Variants in OTOGL observed in about 807,000 individuals in gnomAD.
The protein encoded by OTOGL is otogelin like.
In OTOGL, 285 loss-of-function variants were observed where a neutral mutation model predicts 318.5. That is an observed-to-expected ratio of 0.89 (90% confidence interval 0.81 to 0.99). The LOEUF (loss-of-function observed/expected upper bound fraction) is 0.99, where lower values mean the gene tolerates loss of function less well. Among genes scored for constraint, OTOGL ranks in the 50% least tolerant of loss-of-function variants. The pLI is 0.00. For missense variants in OTOGL, 2,899 were observed against 2,845.6 expected, an observed-to-expected ratio of 1.02 and a Z score of -0.43; for synonymous variants, 987 against 936.5, an observed-to-expected ratio of 1.05 and a Z score of -0.99.
intron 27 of OTOGL, 132 bp downstream of exon 27, chr12:80,297,093 G>T: frequency 1.3e-6 from 1 of 785,490 alleles, no homozygotes; most frequent in Non-Finnish European, 1.8e-6. Flanking sequence ...TTCATTTTGC[G>T]TGGCTTCAGT....
intron 29 of OTOGL, among the ~76,000 whole-genome samples, chr12:80,307,396 A>G (rs78292984): frequency 0.2 from 28,294 of 144,390 alleles, 2,893 homozygotes; most frequent in Middle Eastern, 0.24. Context: ...GGGCAGAGGC[A>G]CCCCTCACCT....
intron 29 of OTOGL, 40 bp downstream of exon 29, chr12:80,305,735 T>C: frequency 5.8e-6 from 8 of 1,378,856 alleles, no homozygotes; most frequent in Non-Finnish European, 7.6e-6. Context: ...AACAAAAATT[T>C]TTAAGAATAT....
At chr12:80,142,592 T>A (rs1872024404) in intron 1 of OTOGL, among the ~76,000 whole-genome samples, 1 of 152,186 alleles carries the variant, frequency 6.6e-6, no homozygotes, top group African/African-American at 2.4e-5. Context: ...CCTTCACCAC[T>A]ATCCCAAGGC....
intron 44 of OTOGL, among the ~76,000 whole-genome samples, chr12:80,342,921 G>A (rs142178773): frequency 3.3e-5 from 5 of 152,106 alleles, no homozygotes; most frequent in African/African-American, 9.6e-5. Flanking sequence ...TCACTTGGTC[G>A]CCTAGGCTGG....
chr12:80,362,359 A>T (rs1366150971), intron 52 of OTOGL, among the ~76,000 whole-genome samples: 1 of 152,204 alleles, frequency 6.6e-6, no homozygotes, highest in Admixed American at 6.5e-5. Flanking sequence ...TTATGCTGGT[A>T]CCATGCTGTT....
At chr12:80,255,630 G>A (rs1881967119) in intron 16 of OTOGL, among the ~76,000 whole-genome samples, 1 of 151,742 alleles carries the variant, frequency 6.6e-6, no homozygotes, top group Admixed American at 6.6e-5. Context: ...TGGTTTCATA[G>A]CATTCTAAAC....
chr12:80,341,973 T>C lies in OTOGL; in HGVS notation c.5076T>C (p.Asp1692=), dbSNP rs1413476834. 3 of 1,606,938 alleles carry C rather than the reference T, an allele frequency of 1.9e-6. No individual in the cohort carries two copies. Among genetic ancestry groups the C allele is most frequent in the Non-Finnish European group, 1.7e-6 (2 of 1,175,868 alleles). ...GAATTTGCAATGAAGATCCGGATGA[T>C]GATCTAAGGATGCAAAATGGCACAA... ...LCGICNEDPD[D]DLRMQNGTII... Residue 1692 remains aspartate, a synonymous_variant, in exon 44 of 59, where the codon GAT becomes GAC. Transcript: ENST00000547103.
chr12:80,227,066 G>C (rs1214177434), intron 7 of OTOGL, among the ~76,000 whole-genome samples: 1 of 151,974 alleles, frequency 6.6e-6, no homozygotes, highest in East Asian at 1.9e-4. Context: ...CACTTGATGG[G>C]CTTTTATATT....
In OTOGL at chr12:80,278,281, G is replaced by A. The variant is rs1331040026; in HGVS notation, c.2789+6G>A. ...GCTACACCGTGTTACACCTGGTAAGGAGATCCATTTATTTCACAAATATTT... is the reference window on the plus strand; with the variant it reads ...GCTACACCGTGTTACACCTGGTAAGAAGATCCATTTATTTCACAAATATTT... On this transcript the variant is annotated splice_donor_region_variant and intron_variant, in intron 25 of 58. Coordinates refer to ENST00000547103, the MANE Select transcript of OTOGL (RefSeq NM_001378609.3). 4 of 1,508,058 alleles carry A rather than the reference G, an allele frequency of 2.7e-6. No homozygotes were observed. Among genetic ancestry groups the A allele is most frequent in the Admixed American group, 2.0e-5 (1 of 49,924 alleles). 93.4% of individuals were successfully genotyped at this position (1,508,058 alleles called of 1,614,324 possible).
chr12:80,135,180 G>T (rs929658554), intron 1 of OTOGL, among the ~76,000 whole-genome samples: 1 of 147,458 alleles, frequency 6.8e-6, no homozygotes, highest in African/African-American at 2.5e-5. Context: ...ATATCACTAG[G>T]TTATACTACT....
At position 80,266,841 on chromosome 12, in the gene OTOGL, A is replaced by G. The variant is rs961142538; in HGVS notation, c.2390+225A>G. ...TGCTTGCTTTTACCATAGTCAAATC[A>G]ATAACAAGGTTTGTGCTTCACTGTC... On this transcript the variant is annotated intron_variant, in intron 21 of 58. Transcript: ENST00000547103. 2.0e-5 allele frequency among the ~76,000 whole-genome samples: 3 copies of G among 152,280 alleles called. No individual in the cohort carries two copies. In the East Asian group the frequency reaches 5.8e-4, roughly 29 times the overall value.
At chr12:80,306,491 G>C (rs778455610) in intron 29 of OTOGL, among the ~76,000 whole-genome samples, 1 of 152,046 alleles carries the variant, frequency 6.6e-6, no homozygotes, top group Non-Finnish European at 1.5e-5. Context: ...TTACCATTTG[G>C]TTAGTTACTT....
Position 80,339,076 on chromosome 12 carries a change from T to A in OTOGL, c.4862T>A (p.Val1621Glu). Reference sequence around the variant, plus strand: ...ACAGGTGTATTTATGTTATTCTAGGTAGAAGTGGATTCCATTGTTGTGCCT... The same window carrying A: ...ACAGGTGTATTTATGTTATTCTAGGAAGAAGTGGATTCCATTGTTGTGCCT... ...KIIVNRLARK[V>E]EVDSIVVPLP... The change falls in exon 43 of 59, where the codon GTA becomes GAA. Residue 1621 changes from valine to glutamate, a missense_variant and splice_region_variant. Val to Glu is a moderately radical substitution (Grantham distance 121, BLOSUM62 -2). This residue lies in a region of OTOGL where 2,607 missense variants were observed against 2,524.9 expected (regional missense o/e 1.03). Transcript: ENST00000547103. 2 of 1,599,442 alleles carry A rather than the reference T, an allele frequency of 1.3e-6. No individual in the cohort carries two copies. Among genetic ancestry groups the A allele is most frequent in the Non-Finnish European group, 1.7e-6 (2 of 1,168,274 alleles).
intron 1 of OTOGL, among the ~76,000 whole-genome samples, chr12:80,141,946 A>G (rs1381798188): frequency 6.6e-6 from 1 of 151,932 alleles, no homozygotes; most frequent in Admixed American, 6.6e-5. Flanking sequence ...GAAATGAGAA[A>G]GAAACTGGCC....
chr12:80,219,808 C>T lies in OTOGL; in HGVS notation c.236-6C>T. 1.3e-6 allele frequency: 2 copies of T among 1,537,592 alleles called. No individual in the cohort carries two copies. Among genetic ancestry groups the T allele is most frequent in the Admixed American group, 1.8e-5 (1 of 56,294 alleles). ...AAGATAACTTTTTTTTTTTTTTCCC[C>T]CTCAGGTTCTTGTCCTTATGAATGC... On this transcript the variant is annotated splice_polypyrimidine_tract_variant and splice_region_variant and intron_variant, in intron 5 of 58. Transcript: ENST00000547103.
At chr12:80,264,669 C>T (rs891781666) in intron 19 of OTOGL, among the ~76,000 whole-genome samples, 1 of 152,094 alleles carries the variant, frequency 6.6e-6, no homozygotes, top group African/African-American at 2.4e-5. Flanking sequence ...TGGAAATAAG[C>T]CTCCCAATAC....
intron 1 of OTOGL, among the ~76,000 whole-genome samples, chr12:80,169,050 T>C (rs1262976245): frequency 1.3e-5 from 2 of 152,186 alleles, no homozygotes; most frequent in Admixed American, 6.5e-5. Flanking sequence ...AGAGCTATAG[T>C]CTTGTTTGCC....
At chr12:80,343,892 T>G (rs1480712825) in intron 44 of OTOGL, 1 of 152,126 alleles carries the variant, frequency 6.6e-6, no homozygotes, top group African/African-American at 2.4e-5. Context: ...AAGAGAAAGT[T>G]TGGTTTAAAG....
Position 80,352,342 on chromosome 12 carries a change from T to C in OTOGL, c.5313T>C (p.Tyr1771=), listed in dbSNP as rs1469228641. 2.5e-6 allele frequency: 4 copies of C among 1,612,168 alleles called. No homozygotes were observed. In the Admixed American group the frequency reaches 6.7e-5, roughly 27 times the overall value. Residue 1771 remains tyrosine, a synonymous_variant, in exon 45 of 59, where the codon TAT becomes TAC. Transcript: ENST00000547103. ...AAAAGATGTGGATCAATTATACCTA[T>C]TTTTGGAACTATGAATGTGATGCAC... ...FCEKMWINYT[Y]FWNYECDALS...
Sources: gnomAD v4.1 joint callset for allele counts (sites outside exome capture counted in the v4.1 genomes callset) on GRCh38, gnomAD v4.1.1 for gene constraint, gnomAD v4.1.1 regional missense constraint, MANE v1.5 for transcripts, NCBI Gene and HGNC (gene_info 2026-07-23, HGNC 2026-07-21) for gene names.